AQP9: variants seen among roughly 807,000 people sequenced by gnomAD.
AQP9 encodes aquaporin 9.
A neutral mutation model predicts 23.8 loss-of-function variants in AQP9; 19 were observed. The observed-to-expected ratio is 0.80, with a 90% confidence interval of 0.56 to 1.17. The LOEUF is 1.17. Ranked by LOEUF, AQP9 falls within the 50% of genes most tolerant of loss-of-function variation. The pLI is 0.00. For synonymous variants in AQP9, 153 were observed against 131.5 expected (o/e 1.16, Z -1.12); for missense variants, 413 against 362.0 (o/e 1.14, Z -1.14).
At position 58,179,210 on chromosome 15, in the gene AQP9, C is replaced by T. The variant is rs1413695615; in HGVS notation, c.578C>T (p.Pro193Leu). Residue 193 changes from proline to leucine, a missense_variant, in exon 5 of 6, where the codon CCC becomes CTC. Transcript: ENST00000219919. ...RNLGAPRGLE[P>L]IAIGLLIIVI... Reference sequence around the variant, plus strand: ...TTGGGAGCCCCCAGAGGCCTAGAGCCCATTGCCATCGGCCTCCTGATTATT... The same window carrying T: ...TTGGGAGCCCCCAGAGGCCTAGAGCTCATTGCCATCGGCCTCCTGATTATT... 6.2e-7 allele frequency: 1 copy of T among 1,613,958 alleles called. No homozygotes were observed. The highest frequency in any genetic ancestry group is 2.2e-5 in the East Asian group (1 of 44,878).
rs1465276662 is a variant in AQP9, at chr15:58,184,173, T to A, written c.*38T>A. On this transcript the variant is annotated 3_prime_UTR_variant, in exon 6 of 6. Transcript: ENST00000219919. ...CTCTGGATTTGCAGTCAGTTTGGGA[T>A]TCTCTTCAGAAAGATGGCATCTAAG... The A allele has an allele frequency of 1.3e-6, 2 of 1,597,100 alleles. No homozygotes were observed. The highest frequency in any genetic ancestry group is 1.7e-6 in the Non-Finnish European group (2 of 1,168,424).
intron 1 of AQP9, among the ~76,000 whole-genome samples, chr15:58,145,914 T>C (rs1898036383): frequency 6.6e-6 from 1 of 152,218 alleles, no homozygotes; most frequent in African/African-American, 2.4e-5. Context: ...TTTAGGTTGA[T>C]AATTATTTTT....
At chr15:58,159,140 G>T (rs1898321513) in intron 1 of AQP9, among the ~76,000 whole-genome samples, 2 of 152,242 alleles carry the variant, frequency 1.3e-5, no homozygotes, top group African/African-American at 2.4e-5. Flanking sequence ...ACTTCACCAT[G>T]TCGGGTTTTA....
At chr15:58,138,700 A>C (rs2140577921) in intron 1 of AQP9, 24 bp downstream of exon 1, 1 of 1,603,852 alleles carries the variant, frequency 6.2e-7, no homozygotes. Context: ...GATTTCCTAC[A>C]TTCAGACCCA....
At chr15:58,141,778 G>A (rs1307882780) in intron 1 of AQP9, among the ~76,000 whole-genome samples, 1 of 152,194 alleles carries the variant, frequency 6.6e-6, no homozygotes, top group African/African-American at 2.4e-5. Flanking sequence ...GCTGGTTATA[G>A]ACACTCTAGG....
At chr15:58,162,747 C>T (rs1473186490) in intron 1 of AQP9, among the ~76,000 whole-genome samples, 1 of 152,152 alleles carries the variant, frequency 6.6e-6, no homozygotes, top group African/African-American at 2.4e-5. Context: ...TTGTAAGCCC[C>T]AGCTAAGGTA....
chr15:58,183,979 G>A lies in AQP9; in HGVS notation c.732G>A (p.Trp244Ter), dbSNP rs1268348546. 2 of 1,613,878 alleles carry A rather than the reference G, an allele frequency of 1.2e-6. No individual in the cohort carries two copies. Among genetic ancestry groups the A allele is most frequent in the Non-Finnish European group, 1.7e-6 (2 of 1,179,960 alleles). ...ATTTCAGAGCTGGAAACAACTTCTG[G>A]TGGATTCCTGTAGTGGGCCCTTTGG... Reference protein sequence around the residue: ...FEVFRAGNNFWWIPVVGPLVG... With the variant: ...FEVFRAGNNF Residue 244 changes from tryptophan (W) to a stop codon, truncating the protein, a stop_gained, in exon 6 of 6, where the codon TGG becomes TGA. Transcript: ENST00000219919. LOFTEE classifies it low-confidence loss of function (END_TRUNC).
chr15:58,179,270 G>A lies in AQP9; in HGVS notation c.638G>A (p.Cys213Tyr), dbSNP rs1898828678. Residue 213 changes from cysteine to tyrosine, a missense_variant, in exon 5 of 6, where the codon TGT becomes TAT. Physicochemically the swap from Cys to Tyr is radical, Grantham distance 194 (BLOSUM62 -2). Transcript: ENST00000219919. ...TCCTCCCTGGGACTGAACAGTGGCT[G>A]TGCCATGAACCCAGCTCGAGACCTG... ...IASSLGLNSGCAMNPARDLSP... is the reference protein window; with the variant it reads ...IASSLGLNSGYAMNPARDLSP... 6.2e-7 allele frequency: 1 copy of A among 1,614,198 alleles called. No homozygotes were observed. The highest frequency in any genetic ancestry group is 8.5e-7 in the Non-Finnish European group (1 of 1,180,034).
intron 1 of AQP9, among the ~76,000 whole-genome samples, chr15:58,164,495 T>C (rs1898455866): frequency 6.6e-6 from 1 of 152,206 alleles, no homozygotes; most frequent in East Asian, 1.9e-4. Context: ...AATATGCCAA[T>C]GTGGTTTTAA....
chr15:58,157,746 C>T (rs1307286182), intron 1 of AQP9, among the ~76,000 whole-genome samples: 1 of 152,140 alleles, frequency 6.6e-6, no homozygotes, highest in East Asian at 1.9e-4. Flanking sequence ...CCGGTGGGTG[C>T]TTGATCATCT....
rs374702384 is a variant in AQP9, at chr15:58,179,309, T to C, written c.677T>C (p.Phe226Ser). 35 of 1,613,892 alleles carry C rather than the reference T, an allele frequency of 2.2e-5. No homozygotes were observed. The highest frequency in any genetic ancestry group is 2.9e-5 in the Non-Finnish European group (34 of 1,179,966). Residue 226 changes from phenylalanine (F) to serine (S), a missense_variant, in exon 5 of 6, where the codon TTC (phenylalanine) becomes TCC (serine). Phe to Ser is a radical substitution (Grantham distance 155). Transcript: ENST00000219919. The part of the protein sequence containing the change: ...NPARDLSPRL[F>S]TALAGWGFEV... Reference sequence around the variant, plus strand: ...GCTCGAGACCTGAGTCCCAGACTTTTCACTGCCTTGGCAGGCTGGGGGTTT... The same window carrying C: ...GCTCGAGACCTGAGTCCCAGACTTTCCACTGCCTTGGCAGGCTGGGGGTTT...
At chr15:58,142,814 T>G (rs1337749211) in intron 1 of AQP9, among the ~76,000 whole-genome samples, 1 of 152,084 alleles carries the variant, frequency 6.6e-6, no homozygotes. Flanking sequence ...TACAAAACCA[T>G]CCATCTCTCC....
chr15:58,157,695 A>G (rs1353694631), intron 1 of AQP9, among the ~76,000 whole-genome samples: 3 of 152,148 alleles, frequency 2.0e-5, no homozygotes, highest in Non-Finnish European at 4.4e-5. Flanking sequence ...AGAGAACAAG[A>G]GAGGAAAGGG....
intron 1 of AQP9, 71 bp downstream of exon 1, chr15:58,138,747 G>A (rs1242077811): frequency 1.5e-6 from 2 of 1,323,316 alleles, no homozygotes; most frequent in Admixed American, 1.9e-5. Context: ...GTAGTGGAGA[G>A]TTTTGTTTGG....
chr15:58,174,848 A>G (rs1169607300), intron 3 of AQP9, 70 bp from the exon 4 acceptor site: 1 of 1,318,268 alleles, frequency 7.6e-7, no homozygotes, highest in African/African-American at 1.5e-5. Flanking sequence ...TGTTTAGCAC[A>G]AGGCTTGGCA....
At chr15:58,157,814 G>T (rs1898295244) in intron 1 of AQP9, among the ~76,000 whole-genome samples, 1 of 152,144 alleles carries the variant, frequency 6.6e-6, no homozygotes, top group African/African-American at 2.4e-5. Flanking sequence ...AATCGATTTT[G>T]CATAAATTGA....
rs1384205410 is a variant in AQP9, at chr15:58,185,661, T to C, written c.*1526T>C. The C allele has an allele frequency of 6.6e-6, 1 of 152,182 alleles. No individual in the cohort carries two copies. The highest frequency in any genetic ancestry group is 1.5e-5 in the Non-Finnish European group (1 of 68,038). The allele number at this position is 152,182 out of a possible 1,614,324, so 9.4% of individuals were successfully genotyped here. ...GTTACTTTTGACAAAAGATCGCCTA[T>C]GAGTTACAAGCACCAGGGGATGCTC... On this transcript the variant is annotated 3_prime_UTR_variant, in exon 6 of 6. Coordinates refer to ENST00000219919, the MANE Select transcript of AQP9 (RefSeq NM_020980.5).
intron 1 of AQP9, among the ~76,000 whole-genome samples, chr15:58,146,134 T>A (rs1390181715): frequency 2.0e-5 from 3 of 152,192 alleles, no homozygotes; most frequent in Non-Finnish European, 4.4e-5. Flanking sequence ...CATCTTCAAT[T>A]TAAAGGGTTA....
chr15:58,144,190 G>C (rs578068714), intron 1 of AQP9, among the ~76,000 whole-genome samples: 6 of 151,788 alleles, frequency 4.0e-5, no homozygotes, highest in Non-Finnish European at 8.8e-5. Flanking sequence ...AATTGTTATA[G>C]GATATTTATA....
Sources: allele counts gnomAD v4.1 joint callset (sites outside exome capture counted in the v4.1 genomes callset), GRCh38; gene constraint gnomAD v4.1.1; transcripts MANE v1.5; gene names NCBI Gene and HGNC (gene_info 2026-07-23, HGNC 2026-07-21).